The following OSBPL8 variants were observed in gnomAD, a reference collection of about 807,000 sequenced individuals.
The protein encoded by OSBPL8 is oxysterol binding protein like 8.
OSBPL8 carries 59 observed loss-of-function variants against 125.5 expected under a neutral mutation model. That is an observed-to-expected ratio of 0.47 (90% confidence interval 0.38 to 0.58). OSBPL8 has a LOEUF of 0.58. Ranked by LOEUF, OSBPL8 falls within the 20% of genes least tolerant of loss-of-function variation. The pLI, the probability that OSBPL8 is intolerant of heterozygous loss-of-function variation, is 0.00. For synonymous variants in OSBPL8, 330 were observed against 338.9 expected (o/e 0.97, Z 0.29); for missense variants, 758 against 1,047.8 (o/e 0.72, Z 3.82).
intron 1 of OSBPL8, among the ~76,000 whole-genome samples, chr12:76,507,121 A>G (rs1880497488): frequency 6.6e-6 from 1 of 151,800 alleles, no homozygotes; most frequent in South Asian, 2.1e-4. Flanking sequence ...AGTTGAATTC[A>G]AAGTATAAAG....
At chr12:76,515,113 T>A (rs1881404350) in intron 1 of OSBPL8, among the ~76,000 whole-genome samples, 1 of 152,234 alleles carries the variant, frequency 6.6e-6, no homozygotes, top group Non-Finnish European at 1.5e-5. Context: ...TCAATGATAT[T>A]CATTCCTATC....
intron 2 of OSBPL8, among the ~76,000 whole-genome samples, chr12:76,471,893 C>G (rs1046531743): frequency 6.6e-6 from 1 of 152,210 alleles, no homozygotes; most frequent in South Asian, 2.1e-4. Context: ...CAGGCAAATA[C>G]CTAAGTTCCT....
At chr12:76,553,274 A>G (rs17042357) in intron 1 of OSBPL8, among the ~76,000 whole-genome samples, 10,670 of 152,176 alleles carry the variant, frequency 0.07, 498 homozygotes, top group Middle Eastern at 0.15. Context: ...ATTCCTGCTA[A>G]TATGTAGGCA....
intron 8 of OSBPL8, 136 bp downstream of exon 8, chr12:76,397,557 TG>T: frequency 2.3e-6 from 2 of 871,246 alleles, no homozygotes; most frequent in Non-Finnish European, 1.7e-6. Flanking sequence ...AGAGGCAGAA[TG>T]GGGGAATAAT....
intron 4 of OSBPL8, chr12:76,422,566 C>T (rs1423216979): frequency 2.2e-6 from 1 of 456,598 alleles, no homozygotes; most frequent in African/African-American, 2.0e-5. Context: ...TCCGAACAAG[C>T]TTTCGGCCAT....
chr12:76,394,618 A>C, intron 9 of OSBPL8, 27 bp downstream of exon 9: 2 of 1,571,976 alleles, frequency 1.3e-6, no homozygotes, highest in African/African-American at 2.7e-5. Flanking sequence ...GAAGACCAAA[A>C]TCCAATCCAT....
chr12:76,402,833 T>C (rs1451905150), intron 5 of OSBPL8, 67 bp from the exon 6 acceptor site: 1 of 1,036,518 alleles, frequency 9.6e-7, no homozygotes, highest in Non-Finnish European at 1.4e-6. Flanking sequence ...TAAAAATTAA[T>C]GTTAAAATTA....
At chr12:76,521,318 G>A (rs1176360215) in intron 1 of OSBPL8, among the ~76,000 whole-genome samples, 1 of 152,184 alleles carries the variant, frequency 6.6e-6, no homozygotes, top group Admixed American at 6.5e-5. Flanking sequence ...TGTATGCTAC[G>A]TGGAGAAACC....
chr12:76,526,562 CTAATATA>C (rs774360835), intron 1 of OSBPL8, among the ~76,000 whole-genome samples: 12 of 140,984 alleles, frequency 8.5e-5, no homozygotes, highest in East Asian at 2.4e-4. Context: ...TGCATATTTT[CTAATATA>C]TAATATATAA....
intron 1 of OSBPL8, among the ~76,000 whole-genome samples, chr12:76,515,650 G>A (rs948449468): frequency 9.9e-5 from 15 of 152,050 alleles, no homozygotes; most frequent in African/African-American, 3.1e-4. Context: ...GCAGTTCTGG[G>A]GTAATCTCAG....
chr12:76,548,822 C>G (rs575407999), intron 1 of OSBPL8, among the ~76,000 whole-genome samples: 1 of 152,148 alleles, frequency 6.6e-6, no homozygotes, highest in African/African-American at 2.4e-5. Flanking sequence ...CCTAGTCTGT[C>G]TTTCTTAACC....
At chr12:76,464,163 G>C (rs1875086956) in intron 2 of OSBPL8, among the ~76,000 whole-genome samples, 2 of 152,150 alleles carry the variant, frequency 1.3e-5, no homozygotes, top group South Asian at 2.1e-4. Flanking sequence ...CAGCTACATG[G>C]GAGGCTGAGG....
intron 1 of OSBPL8, among the ~76,000 whole-genome samples, chr12:76,506,515 T>G (rs1041668233): frequency 6.6e-6 from 1 of 152,168 alleles, no homozygotes; most frequent in African/African-American, 2.4e-5. Flanking sequence ...ATTTATAAAA[T>G]GAATGAATTA....
Position 76,386,234 on chromosome 12 carries a change from G to T in OSBPL8, c.1467C>A (p.Gly489=). The change falls in exon 14 of 24, where the codon GGC becomes GGA. Residue 489 remains glycine (G), a synonymous_variant. Coordinates refer to ENST00000261183, the MANE Select transcript of OSBPL8 (RefSeq NM_020841.5). ...GLKKPYNPIL[G]ETFRCLWIHP... ...GAATCCATAAACAACGGAAAGTCTC[G>T]CCAAGTATAGGATTATAAGGTTTCT... 1 of 1,607,536 alleles carries T rather than the reference G, an allele frequency of 6.2e-7. No homozygotes were observed. Among genetic ancestry groups the T allele is most frequent in the Non-Finnish European group, 8.5e-7 (1 of 1,178,244 alleles).
At chr12:76,445,012 C>T (rs191480226) in intron 4 of OSBPL8, among the ~76,000 whole-genome samples, 1 of 152,254 alleles carries the variant, frequency 6.6e-6, no homozygotes, top group Admixed American at 6.5e-5. Context: ...AGATCTACTT[C>T]ATAGGATCCA....
intron 5 of OSBPL8, among the ~76,000 whole-genome samples, chr12:76,409,995 T>C (rs981285150): frequency 3.9e-5 from 6 of 152,126 alleles, no homozygotes; most frequent in Non-Finnish European, 7.4e-5. Flanking sequence ...TAAAAACCCA[T>C]AGGGAAACTG....
chr12:76,511,790 A>G (rs1167755454), intron 1 of OSBPL8, among the ~76,000 whole-genome samples: 2 of 152,106 alleles, frequency 1.3e-5, no homozygotes, highest in Non-Finnish European at 2.9e-5. Flanking sequence ...TTGTCATAAA[A>G]TCTTTGCCCG....
At chr12:76,506,568 T>C (rs1030476038) in intron 1 of OSBPL8, among the ~76,000 whole-genome samples, 5 of 152,146 alleles carry the variant, frequency 3.3e-5, no homozygotes, top group South Asian at 2.1e-4. Flanking sequence ...AATTACTCTA[T>C]ATATCTATGT....
chr12:76,535,184 A>G (rs1389051253), intron 1 of OSBPL8, among the ~76,000 whole-genome samples: 5 of 152,160 alleles, frequency 3.3e-5, no homozygotes, highest in Non-Finnish European at 7.4e-5. Flanking sequence ...AAAAGGCAAG[A>G]CATAAACTGT....
Sources: gnomAD v4.1 joint callset for allele counts (sites outside exome capture counted in the v4.1 genomes callset) on GRCh38, gnomAD v4.1.1 for gene constraint, MANE v1.5 for transcripts, NCBI Gene and HGNC (gene_info 2026-07-23, HGNC 2026-07-21) for gene names.